Variants in KIF26B observed in about 807,000 individuals in gnomAD.
KIF26B encodes kinesin-like protein KIF26B.
In KIF26B, 63 loss-of-function variants were observed where a neutral mutation model predicts 151.2. The ratio of observed to expected loss-of-function variants is 0.42; its 90% CI spans 0.34 to 0.51. The LOEUF (loss-of-function observed/expected upper bound fraction) is 0.51. Among genes scored for constraint, KIF26B ranks in the 20% least tolerant of loss-of-function variants. KIF26B has a pLI of 0.07. For synonymous variants in KIF26B, 1,357 were observed against 1,262.1 expected (o/e 1.08, Z -1.59); for missense variants, 2,813 against 2,913.6 (o/e 0.97, Z 0.79).
At chr1:245,441,637 A>G (rs1416236628) in intron 4 of KIF26B, among the ~76,000 whole-genome samples, 1 of 152,194 alleles carries the variant, frequency 6.6e-6, no homozygotes, top group African/African-American at 2.4e-5. Flanking sequence ...AGAATAGGAC[A>G]TTCCTATATT....
At chr1:245,391,942 C>T (rs903842305) in intron 3 of KIF26B, among the ~76,000 whole-genome samples, 11 of 151,374 alleles carry the variant, frequency 7.3e-5, no homozygotes, top group Non-Finnish European at 2.9e-5. Context: ...AAGAACTCTT[C>T]AGAAAGATGG....
intron 2 of KIF26B, among the ~76,000 whole-genome samples, chr1:245,208,884 T>C (rs1178046796): frequency 6.6e-6 from 1 of 152,206 alleles, no homozygotes; most frequent in Non-Finnish European, 1.5e-5. Flanking sequence ...GCAAAAACGC[T>C]GTCACTGCTT....
intron 2 of KIF26B, among the ~76,000 whole-genome samples, chr1:245,317,819 A>T (rs542753652): frequency 6.6e-6 from 1 of 152,282 alleles, no homozygotes; most frequent in East Asian, 1.9e-4. Flanking sequence ...TGGCAGGTTG[A>T]CTTCCTTCCC....
At chr1:245,477,713 A>G (rs1660071049) in intron 4 of KIF26B, among the ~76,000 whole-genome samples, 1 of 151,702 alleles carries the variant, frequency 6.6e-6, no homozygotes. Context: ...CGGGCCTGTC[A>G]TGTTCAAGGA....
intron 2 of KIF26B, among the ~76,000 whole-genome samples, chr1:245,253,484 T>G (rs1573734950): frequency 6.6e-6 from 1 of 152,294 alleles, no homozygotes; most frequent in South Asian, 2.1e-4. Context: ...TGAATGTGGC[T>G]TATAATTTTC....
intron 2 of KIF26B, among the ~76,000 whole-genome samples, chr1:245,274,074 A>G (rs10802204): frequency 0.45 from 68,549 of 151,862 alleles, 16,193 homozygotes; most frequent in East Asian, 0.61. Context: ...AAAACATTTT[A>G]TAGTTATATT....
At chr1:245,569,926 A>ATTTT (rs1230671149) in intron 5 of KIF26B, among the ~76,000 whole-genome samples, 6 of 99,934 alleles carry the variant, frequency 6.0e-5, no homozygotes, top group African/African-American at 2.5e-4. Flanking sequence ...GTAAATAGAG[A>ATTTT]ATTTTTTTTT....
At position 245,512,088 on chromosome 1, in the gene KIF26B, A is replaced by G. The variant is rs1476138777; in HGVS notation, c.1167-28679A>G. ...GAGATGGCTGATATTTTTTATGGTCATTTGCAACTTTTTAAAAAAAGTCCA... is the reference window on the plus strand; with the variant it reads ...GAGATGGCTGATATTTTTTATGGTCGTTTGCAACTTTTTAAAAAAAGTCCA... On this transcript the variant is annotated intron_variant, in intron 4 of 14. Transcript: ENST00000407071. The surrounding 1 kb of genome is among the most constrained non-coding windows in gnomAD (Gnocchi z 4.3). Among the ~76,000 whole-genome samples the G allele has an allele frequency of 6.6e-6, 1 of 152,180 alleles. No homozygotes were observed. Among genetic ancestry groups the G allele is most frequent in the African/African-American group, 2.4e-5 (1 of 41,442 alleles).
At chr1:245,209,113 T>G (rs1244219085) in intron 2 of KIF26B, among the ~76,000 whole-genome samples, 1 of 152,084 alleles carries the variant, frequency 6.6e-6, no homozygotes, top group African/African-American at 2.4e-5. Flanking sequence ...AGAAAAACAT[T>G]AACAGGCCAG....
intron 2 of KIF26B, among the ~76,000 whole-genome samples, chr1:245,261,434 T>TC (rs1670636160): frequency 6.6e-6 from 1 of 150,702 alleles, no homozygotes; most frequent in Admixed American, 6.6e-5. Context: ...CCCAGCTTGT[T>TC]CGCGCTCGCT....
intron 3 of KIF26B, among the ~76,000 whole-genome samples, chr1:245,404,839 A>G (rs937999828): frequency 1.3e-5 from 2 of 152,240 alleles, no homozygotes; most frequent in Non-Finnish European, 2.9e-5. Context: ...AGACCTCAAG[A>G]AATCCAACAA....
chr1:245,177,967 G>T (rs924280656), intron 2 of KIF26B, among the ~76,000 whole-genome samples: 1 of 152,178 alleles, frequency 6.6e-6, no homozygotes, highest in African/African-American at 2.4e-5. Context: ...ACTGGGGTTA[G>T]CCTCCACGTA....
intron 4 of KIF26B, among the ~76,000 whole-genome samples, chr1:245,435,739 T>C (rs185288579): frequency 6.6e-6 from 1 of 152,336 alleles, no homozygotes; most frequent in Non-Finnish European, 1.5e-5. Context: ...TGGAAGTCTC[T>C]GCTCAGGACA....
chr1:245,271,496 T>C (rs182095056), intron 2 of KIF26B, among the ~76,000 whole-genome samples: 53 of 152,250 alleles, frequency 3.5e-4, no homozygotes, highest in African/African-American at 1.2e-3. Context: ...TTTTCATATA[T>C]GGACTTTATT....
chr1:245,541,560 C>T (rs879651961), intron 5 of KIF26B, among the ~76,000 whole-genome samples: 12 of 152,140 alleles, frequency 7.9e-5, no homozygotes, highest in African/African-American at 1.2e-4. Context: ...TTCTCCCTTC[C>T]GAGGAAAGCG....
intron 4 of KIF26B, among the ~76,000 whole-genome samples, chr1:245,430,138 G>A (rs1324224974): frequency 2.0e-5 from 3 of 152,072 alleles, no homozygotes; most frequent in Admixed American, 6.6e-5. Context: ...GAATACCCTC[G>A]TGATCTGAAC....
intron 5 of KIF26B, among the ~76,000 whole-genome samples, chr1:245,555,652 C>T (rs1662004915): frequency 6.6e-6 from 1 of 152,064 alleles, no homozygotes; most frequent in African/African-American, 2.4e-5. Context: ...ACGTCACCCC[C>T]TGCATTTTTT....
intron 10 of KIF26B, chr1:245,673,769 A>C (rs1312721687): frequency 6.6e-6 from 1 of 152,254 alleles, no homozygotes; most frequent in Non-Finnish European, 1.5e-5. Flanking sequence ...GAGACACAGG[A>C]GGTTCAGAGA....
rs377558445 is a variant in KIF26B, at chr1:245,236,185, C to T, written c.465+79502C>T. Among the ~76,000 whole-genome samples, 243 of 152,298 alleles carry T rather than the reference C, an allele frequency of 1.6e-3. 2 individuals carry two copies. Among genetic ancestry groups the T allele is most frequent in the African/African-American group, 5.6e-3 (232 of 41,558 alleles). ...CCTTGTAGTCTGCCTGCTTCGGCCT[C>T]CCAAAATGTTGGGATTACAGGCGTG... On this transcript the variant is annotated intron_variant, in intron 2 of 14. Transcript: ENST00000407071.
Sources: allele counts gnomAD v4.1 joint callset (sites outside exome capture counted in the v4.1 genomes callset), GRCh38; gene constraint gnomAD v4.1.1; non-coding constraint Gnocchi (gnomAD v3.1); transcripts MANE v1.5; gene names NCBI Gene and HGNC (gene_info 2026-07-23, HGNC 2026-07-21).